Variants in RRAS2 observed in about 807,000 individuals in gnomAD.
RRAS2 encodes the protein RAS related 2.
In RRAS2, 7 loss-of-function variants were observed where a neutral mutation model predicts 27.6. The ratio of observed to expected loss-of-function variants is 0.25; its 90% CI spans 0.14 to 0.48. The LOEUF is 0.48. RRAS2 is among the 20% of genes least tolerant of loss of function. The pLI is 0.99. For missense variants in RRAS2, 178 were observed against 256.2 expected (o/e 0.69, Z 2.08); for synonymous variants, 86 against 90.9 (o/e 0.95, Z 0.31).
At chr11:14,288,217 G>C (rs1183922333) in intron 4 of RRAS2, among the ~76,000 whole-genome samples, 1 of 152,192 alleles carries the variant, frequency 6.6e-6, no homozygotes, top group Non-Finnish European at 1.5e-5. Context: ...GGGCTCAAGG[G>C]ATCTGCCTGC....
chr11:14,331,942 C>T (rs1554951955), intron 1 of RRAS2, among the ~76,000 whole-genome samples: 1 of 152,136 alleles, frequency 6.6e-6, no homozygotes, highest in Non-Finnish European at 1.5e-5. Context: ...TAAAAAGATG[C>T]TGAATATCAT....
chr11:14,294,947 C>G (rs1341589319), intron 2 of RRAS2, 85 bp from the exon 3 acceptor site: 1 of 1,069,220 alleles, frequency 9.4e-7, no homozygotes, highest in Non-Finnish European at 1.4e-6. Flanking sequence ...TGTGAGTCCT[C>G]TAGAGAGCCT....
chr11:14,363,806 C>T (rs1849219804), upstream of RRAS2, among the ~76,000 whole-genome samples: 1 of 151,046 alleles, frequency 6.6e-6, no homozygotes, highest in Non-Finnish European at 1.5e-5. Context: ...CATGGTGGCT[C>T]ATGCCTGTAA....
intron 1 of RRAS2, among the ~76,000 whole-genome samples, chr11:14,346,006 A>C (rs1564981528): frequency 6.6e-6 from 1 of 152,262 alleles, no homozygotes; most frequent in Non-Finnish European, 1.5e-5. Context: ...TTGTTTCATT[A>C]AATAGTATCA....
At position 14,294,802 on chromosome 11, in the gene RRAS2, C is replaced by T. The variant is rs1554946338; in HGVS notation, c.257G>A (p.Gly86Asp). Residue 86 changes from glycine (G) to aspartate (D), a missense_variant, in exon 3 of 6, where the codon GGC becomes GAC. Gly to Asp is a moderately conservative substitution (Grantham distance 94, BLOSUM62 -1). Transcript: ENST00000256196. Reference protein sequence around the residue: ...GAMREQYMRTGEGFLLVFSVT... With the variant: ...GAMREQYMRTDEGFLLVFSVT... ...TGAAAAGACCAACAGGAAGCCTTCG[C>T]CAGTCCTCATATACTGTTCTCTCAT... 6.2e-7 allele frequency: 1 copy of T among 1,613,784 alleles called. No individual in the cohort carries two copies. The highest frequency in any genetic ancestry group is 2.2e-5 in the East Asian group (1 of 44,850).
intron 1 of RRAS2, among the ~76,000 whole-genome samples, chr11:14,356,436 A>G (rs1406602509): frequency 1.3e-5 from 2 of 152,226 alleles, no homozygotes; most frequent in African/African-American, 2.4e-5. Flanking sequence ...ATAAACACTG[A>G]TAACACCTAC....
chr11:14,281,518 G>T, intron 5 of RRAS2, 84 bp downstream of exon 5: 1 of 1,078,786 alleles, frequency 9.3e-7, no homozygotes, highest in East Asian at 2.8e-5. Context: ...CCCTAGAAAG[G>T]AATCACTTCC....
intron 4 of RRAS2, among the ~76,000 whole-genome samples, chr11:14,289,544 A>G (rs529771205): frequency 6.7e-4 from 102 of 152,358 alleles, no homozygotes; most frequent in African/African-American, 2.1e-3. Context: ...CTTTAGCAGA[A>G]TAAACAAAAT....
At chr11:14,311,266 C>T (rs1259264438) in intron 1 of RRAS2, among the ~76,000 whole-genome samples, 1 of 152,170 alleles carries the variant, frequency 6.6e-6, no homozygotes, top group Non-Finnish European at 1.5e-5. Context: ...ACCACTTGAG[C>T]CCAGCAGTTT....
chr11:14,352,756 TAGAGAGAGAGAG>T (rs370730897), intron 1 of RRAS2, among the ~76,000 whole-genome samples: 2 of 128,678 alleles, frequency 1.6e-5, no homozygotes, highest in African/African-American at 2.9e-5. Context: ...TATATATATA[TAGAGAGAGAGAG>T]AGAGAGAGAG....
At chr11:14,340,577 A>C (rs1848684081) in intron 1 of RRAS2, among the ~76,000 whole-genome samples, 1 of 152,180 alleles carries the variant, frequency 6.6e-6, no homozygotes, top group Non-Finnish European at 1.5e-5. Context: ...GAAGACACCG[A>C]AAGAAAAATA....
intron 1 of RRAS2, among the ~76,000 whole-genome samples, chr11:14,315,334 T>TC (rs1410598390): frequency 3.9e-5 from 6 of 152,198 alleles, no homozygotes; most frequent in African/African-American, 1.4e-4. Flanking sequence ...TCTGTGGTCT[T>TC]CCTAACCCAA....
At chr11:14,359,869 C>T (rs1463396927), upstream of RRAS2, among the ~76,000 whole-genome samples, 1 of 152,130 alleles carries the variant, frequency 6.6e-6, no homozygotes, top group Non-Finnish European at 1.5e-5. Context: ...TCACTGCACC[C>T]GGCCTCATGG....
At chr11:14,333,603 T>C (rs1848526204) in intron 1 of RRAS2, among the ~76,000 whole-genome samples, 1 of 152,206 alleles carries the variant, frequency 6.6e-6, no homozygotes, top group Non-Finnish European at 1.5e-5. Context: ...GAATTTCATT[T>C]TATAATCTGT....
chr11:14,293,119 AAACAAATATATAT>A (rs1203908714), intron 4 of RRAS2, among the ~76,000 whole-genome samples: 8 of 97,166 alleles, frequency 8.2e-5, no homozygotes, highest in African/African-American at 2.2e-4. Context: ...AAACAAAACA[AAACAAATATATAT>A]ATATATATAT....
intron 1 of RRAS2, among the ~76,000 whole-genome samples, chr11:14,344,066 C>T (rs944436715): frequency 5.9e-5 from 9 of 151,908 alleles, no homozygotes; most frequent in African/African-American, 1.5e-4. Context: ...TCACTTAAGC[C>T]GGGGACATCA....
In RRAS2 at chr11:14,358,608, G is replaced by C. The variant is rs1183375393; in HGVS notation, c.108+155C>G. ...AGCGCGACGCTGCGGCCGCAGGGCA[G>C]GAGCGTAGTCGGCCCCGCGCCCTCC... On this transcript the variant is annotated intron_variant, in intron 1 of 5. Coordinates refer to ENST00000256196, the MANE Select transcript of RRAS2 (RefSeq NM_012250.6). The surrounding 1 kb of genome is among the most constrained non-coding windows in gnomAD (Gnocchi z 5.1). The C allele has an allele frequency of 4.2e-5, 41 of 983,394 alleles. No homozygotes were observed. The highest frequency in any genetic ancestry group is 6.1e-5 in the Admixed American group (1 of 16,288). The allele number at this position is 983,394 out of a possible 1,614,324, so 60.9% of individuals were successfully genotyped here. A position where few individuals can be genotyped will look rare whatever the true frequency, so the allele number is the denominator to read the frequency against.
At chr11:14,363,187 C>T (rs965162035), upstream of RRAS2, among the ~76,000 whole-genome samples, 3 of 152,198 alleles carry the variant, frequency 2.0e-5, no homozygotes, top group Non-Finnish European at 4.4e-5. Context: ...TTAAGATCCT[C>T]CTGTTCATCA....
chr11:14,322,285 A>G (rs1172885382), intron 1 of RRAS2, among the ~76,000 whole-genome samples: 1 of 151,688 alleles, frequency 6.6e-6, no homozygotes, highest in Non-Finnish European at 1.5e-5. Flanking sequence ...ACAAAAAAAA[A>G]AAAAATGAGC....
Sources: allele counts gnomAD v4.1 joint callset (sites outside exome capture counted in the v4.1 genomes callset), GRCh38; gene constraint gnomAD v4.1.1; non-coding constraint Gnocchi (gnomAD v3.1); transcripts MANE v1.5; gene names NCBI Gene and HGNC (gene_info 2026-07-23, HGNC 2026-07-21).